SIK3: variants seen among roughly 807,000 people sequenced by gnomAD.
SIK3 encodes SIK family kinase 3.
SIK3 carries 28 observed loss-of-function variants against 144.2 expected under a neutral mutation model. That is an observed-to-expected ratio of 0.19 (90% CI 0.14 to 0.27). The LOEUF is 0.27. SIK3 is among the 10% of genes least tolerant of loss of function. The pLI is 1.00. For synonymous variants in SIK3, 686 were observed against 676.3 expected, an observed-to-expected ratio of 1.01 and a Z score of -0.22; for missense variants, 1,319 against 1,776.0, an observed-to-expected ratio of 0.74 and a Z score of 4.62.
intron 13 of SIK3, among the ~76,000 whole-genome samples, chr11:116,871,331 G>A (rs1331966946): frequency 6.6e-6 from 1 of 152,170 alleles, no homozygotes; most frequent in Non-Finnish European, 1.5e-5. Context: ...AATTTTGTCG[G>A]AAAGCTCCCA....
chr11:116,931,495 G>T (rs1402758913), intron 3 of SIK3, among the ~76,000 whole-genome samples: 9 of 152,150 alleles, frequency 5.9e-5, no homozygotes, highest in Non-Finnish European at 1.2e-4. Context: ...CCATTTGTCT[G>T]CTAAGTCTAC....
chr11:117,097,436 AC>A (rs981511886), intron 1 of SIK3, among the ~76,000 whole-genome samples: 1 of 97,476 alleles, frequency 1.0e-5, no homozygotes, highest in African/African-American at 3.9e-5. Context: ...GACAGCCCCC[AC>A]CCCCACCTCA....
At chr11:116,865,833 C>T (rs1943603233) in intron 15 of SIK3, among the ~76,000 whole-genome samples, 1 of 152,138 alleles carries the variant, frequency 6.6e-6, no homozygotes, top group African/African-American at 2.4e-5. Flanking sequence ...TTTCTCATTT[C>T]CCCTGAAGAC....
At chr11:117,066,534 CTTTT>C (rs34259048) in intron 1 of SIK3, among the ~76,000 whole-genome samples, 1 of 131,032 alleles carries the variant, frequency 7.6e-6, no homozygotes, top group African/African-American at 2.8e-5. Flanking sequence ...AGAAACAATC[CTTTT>C]TTTTTTTTTT....
Position 116,862,119 on chromosome 11 carries a change from G to C in SIK3, c.2229+83C>G, listed in dbSNP as rs146761531. The stretch of plus-strand genomic sequence containing the variant: ...AGACCTCAAATCCACTTTGCACTGA[G>C]TGGTCTCCTCCAAAATGCACAGGCA... On this transcript the variant is annotated intron_variant, in intron 17 of 24. Coordinates refer to ENST00000445177, the MANE Select transcript of SIK3 (RefSeq NM_001366686.3). 3.1e-4 allele frequency: 486 copies of C among 1,592,706 alleles called. 5 individuals are homozygous for C. The East Asian group carries it at 0.011, about 35-fold the overall frequency.
chr11:117,065,151 A>AAAT (rs777093403), intron 1 of SIK3, among the ~76,000 whole-genome samples: 1,559 of 149,964 alleles, frequency 0.01, 14 homozygotes, highest in Admixed American at 0.016. Context: ...TCCATCTCAA[A>AAAT]AATAATAATA....
chr11:116,927,427 T>C, intron 3 of SIK3, 47 bp from the exon 4 acceptor site: 2 of 1,585,598 alleles, frequency 1.3e-6, no homozygotes, highest in Non-Finnish European at 1.7e-6. Flanking sequence ...GACACTTGTG[T>C]AATTTCAAAA....
rs561481322 is a variant in SIK3 at position 116,954,242 on chromosome 11, T to G, written c.391-135A>C. On this transcript the variant is annotated intron_variant, in intron 2 of 24. Transcript: ENST00000445177. ...GATTAAAGAAAATTTAAAACATTTTTGGGGAAACAAATATAAATGTTATTA... is the reference window on the plus strand; with the variant it reads ...GATTAAAGAAAATTTAAAACATTTTGGGGGAAACAAATATAAATGTTATTA... 1.2e-5 allele frequency: 8 copies of G among 665,816 alleles called. No homozygotes were observed. The Admixed American group carries it at 2.5e-4, about 20-fold the overall frequency. 41.2% of individuals were successfully genotyped at this position (665,816 alleles called of 1,614,324 possible).
At chr11:117,098,013 C>A in intron 1 of SIK3, 130 bp downstream of exon 1, 1 of 1,135,390 alleles carries the variant, frequency 8.8e-7, no homozygotes, top group Non-Finnish European at 1.1e-6. Flanking sequence ...GCGGCTGGCT[C>A]CCTCCCGCCT....
intron 1 of SIK3, among the ~76,000 whole-genome samples, chr11:117,031,801 C>T (rs1372637836): frequency 6.6e-6 from 1 of 150,804 alleles, no homozygotes; most frequent in Non-Finnish European, 1.5e-5. Flanking sequence ...CTAGGCCTCC[C>T]AAAGTGCTGG....
At chr11:117,019,443 CAA>C (rs1045678695) in intron 1 of SIK3, among the ~76,000 whole-genome samples, 1 of 152,170 alleles carries the variant, frequency 6.6e-6, no homozygotes, top group Non-Finnish European at 1.5e-5. Flanking sequence ...TGTGAAGCCT[CAA>C]GAGTAGAACT....
intron 1 of SIK3, among the ~76,000 whole-genome samples, chr11:117,036,995 C>A (rs1952533815): frequency 6.6e-6 from 1 of 152,046 alleles, no homozygotes; most frequent in African/African-American, 2.4e-5. Flanking sequence ...GTTTGCCTGC[C>A]CCCATACCTA....
At chr11:116,889,876 G>A (rs760921104) in intron 6 of SIK3, among the ~76,000 whole-genome samples, 4 of 152,114 alleles carry the variant, frequency 2.6e-5, no homozygotes, top group Non-Finnish European at 5.9e-5. Flanking sequence ...CAGCCTGGGC[G>A]ACAGAGATCC....
chr11:116,923,265 T>C (rs1179567031), intron 4 of SIK3, among the ~76,000 whole-genome samples: 2 of 152,248 alleles, frequency 1.3e-5, no homozygotes, highest in East Asian at 3.8e-4. Context: ...CTCTCTTGCA[T>C]GTTTCTTTCA....
chr11:116,917,867 A>AAAGGG (rs1946749026), intron 4 of SIK3, among the ~76,000 whole-genome samples: 3 of 151,750 alleles, frequency 2.0e-5, no homozygotes, highest in Non-Finnish European at 4.4e-5. Flanking sequence ...AAAGGAAAGG[A>AAAGGG]AAGGGAGAAA....
intron 1 of SIK3, among the ~76,000 whole-genome samples, chr11:117,019,632 T>C (rs1453892739): frequency 2.0e-5 from 3 of 152,092 alleles, no homozygotes; most frequent in African/African-American, 7.2e-5. Flanking sequence ...TTTTTTTTTT[T>C]TGAGACAGAG....
intron 7 of SIK3, among the ~76,000 whole-genome samples, 182 bp downstream of exon 7, chr11:116,876,742 T>C (rs1454908214): frequency 6.6e-6 from 1 of 152,254 alleles, no homozygotes; most frequent in Admixed American, 6.5e-5. Flanking sequence ...CCATGATCAC[T>C]ATTCTCCAGC....
intron 21 of SIK3, chr11:116,857,497 C>A: frequency 3.2e-6 from 1 of 316,922 alleles, no homozygotes; most frequent in Non-Finnish European, 5.8e-6. Flanking sequence ...TTCTATTGCA[C>A]AAGTTTAAAG....
chr11:117,045,003 T>C (rs1170925317), intron 1 of SIK3, among the ~76,000 whole-genome samples: 1 of 152,208 alleles, frequency 6.6e-6, no homozygotes, highest in Non-Finnish European at 1.5e-5. Context: ...CTTCAAACAA[T>C]GGGGACCATA....
Sources: allele counts gnomAD v4.1 joint callset (sites outside exome capture counted in the v4.1 genomes callset), GRCh38; gene constraint gnomAD v4.1.1; transcripts MANE v1.5; gene names NCBI Gene and HGNC (gene_info 2026-07-23, HGNC 2026-07-21).